The following SIPA1L3 variants were observed in gnomAD, a reference collection of about 807,000 sequenced individuals.
The protein encoded by SIPA1L3 is signal-induced proliferation-associated 1-like protein 3.
A neutral mutation model predicts 150.1 loss-of-function variants in SIPA1L3; 59 were observed. The ratio of observed to expected loss-of-function variants is 0.39; its 90% confidence interval spans 0.32 to 0.49. SIPA1L3 has a LOEUF of 0.49. Ranked by LOEUF, SIPA1L3 falls within the 20% of genes least tolerant of loss-of-function variation. The pLI, the probability that SIPA1L3 is intolerant of heterozygous loss-of-function variation, is 0.86. For synonymous variants in SIPA1L3, 1,070 were observed against 1,077.6 expected (o/e 0.99, Z 0.14); for missense variants, 2,211 against 2,489.5 (o/e 0.89, Z 2.38).
intron 1 of SIPA1L3, among the ~76,000 whole-genome samples, chr19:37,944,277 CAAA>C (rs911462304): frequency 6.0e-5 from 6 of 100,680 alleles, no homozygotes; most frequent in Admixed American, 4.1e-4. Flanking sequence ...GACTCCGTCT[CAAA>C]AAAAAAAAAA....
rs573446629 is a variant in SIPA1L3 at position 37,921,677 on chromosome 19, C to T, written c.-379+14319C>T. Among the ~76,000 whole-genome samples the T allele has an allele frequency of 2.2e-3, 333 of 151,938 alleles. 1 individual carries two copies. Among genetic ancestry groups the T allele is most frequent in the Non-Finnish European group, 3.7e-3 (249 of 67,928 alleles). On this transcript the variant is annotated intron_variant, in intron 1 of 21. Transcript: ENST00000222345. ...GTGCAGTGGCACGATCACAACTCACCGCAACCTCGAACTCCTGGGCTCAAG... is the reference window on the plus strand; with the variant it reads ...GTGCAGTGGCACGATCACAACTCACTGCAACCTCGAACTCCTGGGCTCAAG...
intron 8 of SIPA1L3, among the ~76,000 whole-genome samples, chr19:38,111,050 G>A (rs1224103963): frequency 2.0e-5 from 3 of 149,842 alleles, no homozygotes; most frequent in African/African-American, 7.4e-5. Flanking sequence ...TTAAGACAGG[G>A]TCTCACTCTG....
chr19:37,998,191 C>T (rs1160656907), intron 1 of SIPA1L3, among the ~76,000 whole-genome samples: 1 of 152,224 alleles, frequency 6.6e-6, no homozygotes, highest in Non-Finnish European at 1.5e-5. Flanking sequence ...TCAGAAGCGA[C>T]TCACGGCTTG....
chr19:38,142,275 A>G (rs975625684), intron 11 of SIPA1L3, among the ~76,000 whole-genome samples: 1 of 152,234 alleles, frequency 6.6e-6, no homozygotes, highest in Non-Finnish European at 1.5e-5. Context: ...TCTTGTCCCC[A>G]GGGGGCAGAG....
At chr19:38,092,929 T>C (rs970221586) in intron 4 of SIPA1L3, among the ~76,000 whole-genome samples, 6 of 149,794 alleles carry the variant, frequency 4.0e-5, no homozygotes, top group African/African-American at 1.2e-4. Context: ...GCGTGATCTC[T>C]GCTCACCACA....
intron 8 of SIPA1L3, among the ~76,000 whole-genome samples, chr19:38,117,016 A>AT (rs1476597221): frequency 2.0e-5 from 3 of 152,202 alleles, no homozygotes; most frequent in African/African-American, 7.2e-5. Flanking sequence ...CATCCAAGAT[A>AT]TTCATCAAAT....
At chr19:38,155,315 A>T (rs1971919221) in intron 13 of SIPA1L3, among the ~76,000 whole-genome samples, 1 of 152,034 alleles carries the variant, frequency 6.6e-6, no homozygotes, top group Non-Finnish European at 1.5e-5. Flanking sequence ...GGCTCAGGTG[A>T]TCCTCCTACC....
chr19:37,948,808 C>T (rs1411483547), intron 1 of SIPA1L3, among the ~76,000 whole-genome samples: 4 of 152,086 alleles, frequency 2.6e-5, no homozygotes, highest in Non-Finnish European at 5.9e-5. Context: ...TTAGAAGTGA[C>T]CAAGGCAGGC....
intron 1 of SIPA1L3, among the ~76,000 whole-genome samples, chr19:38,000,354 G>C (rs957063106): frequency 2.0e-5 from 3 of 151,806 alleles, no homozygotes; most frequent in Admixed American, 6.6e-5. Context: ...TATAATCCCA[G>C]CTACTCTGGA....
In SIPA1L3 at chr19:38,046,373, C is replaced by T. The variant is rs763024305; in HGVS notation, c.-311+17217C>T. Among the ~76,000 whole-genome samples the T allele has an allele frequency of 3.3e-5, 5 of 152,156 alleles. No homozygotes were observed. Among genetic ancestry groups the T allele is most frequent in the African/African-American group, 7.2e-5 (3 of 41,422 alleles). On this transcript the variant is annotated intron_variant, in intron 2 of 21. Coordinates refer to ENST00000222345, the MANE Select transcript of SIPA1L3 (RefSeq NM_015073.3). The surrounding 1 kb of genome is among the most constrained non-coding windows in gnomAD (Gnocchi z 5.6). Reference sequence around the variant, plus strand: ...AGCAGCCTGTCCCCCCTCCTCATTTCCCTATTTCTTTTGAGTGGCCAGATG... The same window carrying T: ...AGCAGCCTGTCCCCCCTCCTCATTTTCCTATTTCTTTTGAGTGGCCAGATG...
chr19:38,089,926 CT>C (rs1348203129), intron 4 of SIPA1L3, among the ~76,000 whole-genome samples: 1 of 152,180 alleles, frequency 6.6e-6, no homozygotes, highest in Non-Finnish European at 1.5e-5. Flanking sequence ...CTTGGCTCTG[CT>C]TTTTGCATCG....
chr19:38,152,217 A>C (rs868289452), intron 12 of SIPA1L3, among the ~76,000 whole-genome samples: 8 of 152,296 alleles, frequency 5.3e-5, no homozygotes, highest in Non-Finnish European at 8.8e-5. Flanking sequence ...CCAAGTCACC[A>C]TGTGTCAGGA....
At chr19:37,922,595 G>A (rs1485548615) in intron 1 of SIPA1L3, among the ~76,000 whole-genome samples, 2 of 151,432 alleles carry the variant, frequency 1.3e-5, no homozygotes, top group Admixed American at 1.3e-4. Context: ...GGGTTTCACT[G>A]TGTTAGCCAG....
chr19:38,143,122 C>T (rs940447704), intron 12 of SIPA1L3, among the ~76,000 whole-genome samples: 2 of 151,952 alleles, frequency 1.3e-5, no homozygotes, highest in African/African-American at 4.8e-5. Flanking sequence ...GAGAGATCTC[C>T]CCAAACCCTC....
Position 38,112,084 on chromosome 19 carries a change from CACATGCACACACCT to C in SIPA1L3, c.2291+1713_2291+1726del, listed in dbSNP as rs747352965. ...CACGTATGCACACACCATGCGTCCG[CACATGCACACACCT>C]ACATGCACACACATACATGCACACA... On this transcript the variant is annotated intron_variant, in intron 8 of 21. Transcript: ENST00000222345. Among the ~76,000 whole-genome samples, 490 of 149,952 alleles carry C rather than the reference CACATGCACACACCT, an allele frequency of 3.3e-3. 4 individuals carry two copies. Among genetic ancestry groups the C allele is most frequent in the Admixed American group, 5.6e-3 (84 of 14,994 alleles).
chr19:38,069,174 C>T (rs1161570037), intron 2 of SIPA1L3, among the ~76,000 whole-genome samples: 3 of 152,092 alleles, frequency 2.0e-5, no homozygotes, highest in Non-Finnish European at 2.9e-5. Flanking sequence ...TGTACATCCC[C>T]GGGAGCTCAG....
chr19:38,010,933 G>A (rs1216105193), intron 1 of SIPA1L3, among the ~76,000 whole-genome samples: 1 of 152,114 alleles, frequency 6.6e-6, no homozygotes, highest in African/African-American at 2.4e-5. Context: ...TCATGGCAAT[G>A]ACCAACAAAC....
Position 37,995,188 on chromosome 19 carries a change from G to C in SIPA1L3, c.-378-33901G>C, listed in dbSNP as rs549719531. 5.6e-4 allele frequency among the ~76,000 whole-genome samples: 85 copies of C among 152,262 alleles called. No individual in the cohort carries two copies. In the South Asian group the frequency reaches 6.6e-3, roughly 12 times the overall value. ...TCCATTGGCCATAAAGGAGCCAGGGGCCGGCCCTAGCTGCAAGGGAGGCTG... is the reference window on the plus strand; with the variant it reads ...TCCATTGGCCATAAAGGAGCCAGGGCCCGGCCCTAGCTGCAAGGGAGGCTG... On this transcript the variant is annotated intron_variant, in intron 1 of 21. Transcript: ENST00000222345.
intron 8 of SIPA1L3, among the ~76,000 whole-genome samples, chr19:38,113,842 C>G (rs375412151): frequency 2.0e-5 from 3 of 152,064 alleles, no homozygotes; most frequent in South Asian, 4.2e-4. Context: ...GCTTCTTGCC[C>G]TCTGGTGATC....
Sources: gnomAD v4.1 joint callset for allele counts (sites outside exome capture counted in the v4.1 genomes callset) on GRCh38, gnomAD v4.1.1 for gene constraint, Gnocchi (gnomAD v3.1) non-coding constraint, MANE v1.5 for transcripts, NCBI Gene and HGNC (gene_info 2026-07-23, HGNC 2026-07-21) for gene names.